Variants in DST observed in about 807,000 individuals in gnomAD.
The protein encoded by DST is dystonin, also known as bullous pemphigoid antigen.
A neutral mutation model predicts 875.2 loss-of-function variants in DST; 253 were observed. The observed-to-expected ratio is 0.29, with a 90% CI of 0.26 to 0.32. DST has a LOEUF of 0.32. Ranked by LOEUF, DST falls within the 10% of genes least tolerant of loss-of-function variation. DST has a pLI of 1.00. For missense variants in DST, 8,287 were observed against 9,111.6 expected (o/e 0.91, Z 3.68); for synonymous variants, 3,124 against 3,197.1 (o/e 0.98, Z 0.77).
chr6:56,692,801 T>A, intron 9 of DST: 2 of 1,289,862 alleles, frequency 1.6e-6, no homozygotes, highest in Non-Finnish European at 2.0e-6. Context: ...GACCAACTGC[T>A]TACAGCACTC....
intron 3 of DST, among the ~76,000 whole-genome samples, chr6:56,869,186 A>C (rs777676418): frequency 6.6e-6 from 1 of 152,230 alleles, no homozygotes; most frequent in Non-Finnish European, 1.5e-5. Context: ...ATACAAAAAC[A>C]AGGCAAGGGT....
At chr6:56,507,899 C>A (rs750906306) in intron 75 of DST, among the ~76,000 whole-genome samples, 1 of 152,024 alleles carries the variant, frequency 6.6e-6, no homozygotes, top group Non-Finnish European at 1.5e-5. Context: ...GCAGCAAGGT[C>A]AGAGGCCTAG....
At chr6:56,584,500 C>T (rs141923804) in intron 49 of DST, among the ~76,000 whole-genome samples, 4,490 of 149,390 alleles carry the variant, frequency 0.03, 512 homozygotes, top group African/African-American at 0.11. Flanking sequence ...GGGGCTGAGG[C>T]CATGGGGTTT....
Position 56,640,438 on chromosome 6 carries a change from C to A in DST, c.2195G>T (p.Gly732Val), listed in dbSNP as rs2098882780. The A allele has an allele frequency of 1.2e-6, 2 of 1,614,082 alleles. No individual in the cohort carries two copies. Residue 732 changes from glycine to valine, a missense_variant, in exon 18 of 104, where the codon GGG (glycine) becomes GTG (valine). Around this residue, in one of 10 missense-constraint regions of DST, gnomAD observed 1,160 missense variants for 1,424.3 expected, o/e 0.81. Coordinates refer to ENST00000680361, the MANE Select transcript of DST (RefSeq NM_001374736.1). ...GGAAGGTGTTAAACTCTGGGTCAGC[C>A]CTGAGGTCAGACTAGGGTGTAAGGT... is the stretch of plus-strand genomic sequence containing the variant. ...AQTLHPSLTS[G>V]LTQSLTPSLT...
Position 56,536,784 on chromosome 6 carries a change from T to C in DST, c.16765A>G (p.Lys5589Glu), listed in dbSNP as rs777089422. 7 of 1,551,656 alleles carry C rather than the reference T, an allele frequency of 4.5e-6. No individual in the cohort carries two copies. The highest frequency in any genetic ancestry group is 1.4e-5 in the African/African-American group (1 of 72,782). The change falls in exon 62 of 104, where the codon AAG (lysine) becomes GAG (glutamate). Residue 5589 changes from lysine to glutamate, a missense_variant. Coordinates refer to ENST00000680361, the MANE Select transcript of DST (RefSeq NM_001374736.1). ...DVNARWKTLN[K>E]KVAQRAAQLQ... Reference sequence around the variant, plus strand: ...GAAGGGGGTGAGAAAATTACCTTCTTATTGAGAGTCTTCCACCGTGCATTG... The same window carrying C: ...GAAGGGGGTGAGAAAATTACCTTCTCATTGAGAGTCTTCCACCGTGCATTG...
At chr6:56,856,844 G>A (rs1373411852) in intron 3 of DST, among the ~76,000 whole-genome samples, 1 of 152,092 alleles carries the variant, frequency 6.6e-6, no homozygotes, top group Non-Finnish European at 1.5e-5. Flanking sequence ...AGAAGATGCA[G>A]GCTGAGGAAA....
intron 4 of DST, among the ~76,000 whole-genome samples, chr6:56,831,300 G>A (rs1219642438): frequency 6.6e-6 from 1 of 152,066 alleles, no homozygotes; most frequent in Admixed American, 6.6e-5. Context: ...CTCAACACCG[G>A]TTATGTATAA....
At chr6:56,780,826 C>T (rs2099692014) in intron 4 of DST, among the ~76,000 whole-genome samples, 1 of 151,902 alleles carries the variant, frequency 6.6e-6, no homozygotes, top group Non-Finnish European at 1.5e-5. Context: ...AATGGTAATG[C>T]CTAGGTTTTC....
chr6:56,936,117 A>G lies in DST; in HGVS notation c.216+17668T>C, dbSNP rs80226685. On this transcript the variant is annotated intron_variant, in intron 2 of 103. Transcript: ENST00000680361. ...CATCTCTACCAGCATCATCTTACCA[A>G]CTGTCAAAATCCTACAAGATTTTCT... 2.3e-3 allele frequency among the ~76,000 whole-genome samples: 351 copies of G among 152,346 alleles called. 3 individuals carry two copies. The highest frequency in any genetic ancestry group is 0.014 in the Middle Eastern group (4 of 294).
At chr6:56,514,578 TACACACACACACAC>T (rs766261479) in intron 72 of DST, among the ~76,000 whole-genome samples, 1 of 145,030 alleles carries the variant, frequency 6.9e-6, no homozygotes, top group African/African-American at 2.6e-5. Flanking sequence ...CACAGGCGTA[TACACACACACACAC>T]ACACACACAC....
At chr6:56,725,591 G>T (rs1447987043) in intron 5 of DST, among the ~76,000 whole-genome samples, 2 of 152,092 alleles carry the variant, frequency 1.3e-5, no homozygotes, top group African/African-American at 4.8e-5. Context: ...AAAGGAGTTA[G>T]GTAGTTTGAA....
intron 36 of DST, chr6:56,619,180 T>G (rs2098661584): frequency 6.2e-7 from 1 of 1,614,154 alleles, no homozygotes; most frequent in African/African-American, 1.3e-5. Context: ...TAAAACCATC[T>G]GCCTGAATTT....
intron 2 of DST, among the ~76,000 whole-genome samples, chr6:56,909,704 A>C (rs1798018985): frequency 1.3e-5 from 2 of 152,194 alleles, no homozygotes; most frequent in Admixed American, 1.3e-4. Context: ...TGATTCATTA[A>C]GTCTGGGATA....
intron 5 of DST, among the ~76,000 whole-genome samples, chr6:56,706,422 G>A (rs1462280683): frequency 6.6e-6 from 1 of 152,138 alleles, no homozygotes; most frequent in Non-Finnish European, 1.5e-5. Flanking sequence ...ACCATGAAAT[G>A]ACAACTCTCT....
At chr6:56,936,332 G>A (rs1303819385) in intron 2 of DST, among the ~76,000 whole-genome samples, 6 of 152,152 alleles carry the variant, frequency 3.9e-5, no homozygotes, top group Admixed American at 2.6e-4. Context: ...ACAGCAGCAG[G>A]CCAATTGAAG....
intron 36 of DST, chr6:56,615,836 G>A: frequency 6.2e-7 from 1 of 1,614,062 alleles, no homozygotes; most frequent in Non-Finnish European, 8.5e-7. Flanking sequence ...TATAATATTT[G>A]CATTCACAGC....
intron 3 of DST, among the ~76,000 whole-genome samples, chr6:56,898,577 A>G (rs1235065936): frequency 6.6e-6 from 1 of 152,154 alleles, no homozygotes; most frequent in Admixed American, 6.5e-5. Context: ...CTATTACACA[A>G]AATAAGTTCA....
rs111262421 is a variant in DST, at chr6:56,699,153, T to G, written c.1047+500A>C. Reference sequence around the variant, plus strand: ...TTAGATAATAATTCAGTCAATAAATTTGCATTTTCCTCAAATCTAAAGAGA... The same window carrying G: ...TTAGATAATAATTCAGTCAATAAATGTGCATTTTCCTCAAATCTAAAGAGA... On this transcript the variant is annotated intron_variant, in intron 9 of 103. Transcript: ENST00000680361. 1.4e-3 allele frequency among the ~76,000 whole-genome samples: 216 copies of G among 152,314 alleles called. 6 individuals carry two copies. The highest frequency in any genetic ancestry group is 4.9e-3 in the African/African-American group (204 of 41,576).
At position 56,812,109 on chromosome 6, in the gene DST, A is replaced by AAAAAGGAAAG. The variant is rs2099760862; in HGVS notation, c.625+39287_625+39288insCTTTCCTTTT. Among the ~76,000 whole-genome samples, 13 of 111,824 alleles carry AAAAAGGAAAG rather than the reference A, an allele frequency of 1.2e-4. No homozygotes were observed. The South Asian group carries it at 3.4e-3, about 29-fold the overall frequency. The allele number at this position is 111,824 out of a possible 152,430, so 73.4% of individuals were successfully genotyped here. On this transcript the variant is annotated intron_variant, in intron 4 of 103. Transcript: ENST00000680361. Reference sequence around the variant, plus strand: ...AGAAAGAGACTCTGACTCAAAAAAAAAAAAGAAAAGAAAAGAAAAGAAAAG... The same window carrying AAAAAGGAAAG: ...AGAAAGAGACTCTGACTCAAAAAAAAAAAAGGAAAGAAAAGAAAAGAAAAGAAAAGAAAAG...
Sources: gnomAD v4.1 joint callset for allele counts (sites outside exome capture counted in the v4.1 genomes callset) on GRCh38, gnomAD v4.1.1 for gene constraint, gnomAD v4.1.1 regional missense constraint, MANE v1.5 for transcripts, NCBI Gene and HGNC (gene_info 2026-07-23, HGNC 2026-07-21) for gene names.